Variants in AFAP1L2 observed in about 807,000 individuals in gnomAD.
AFAP1L2 encodes the protein actin filament-associated protein 1-like 2.
Under a neutral mutation model 99.3 loss-of-function variants are expected in AFAP1L2, and 46 were observed. The ratio of observed to expected loss-of-function variants is 0.46; its 90% CI spans 0.37 to 0.59. The LOEUF is 0.59. Ranked by LOEUF, AFAP1L2 falls within the 20% of genes least tolerant of loss-of-function variation. AFAP1L2 has a pLI of 0.00. For synonymous variants in AFAP1L2, 397 were observed against 419.1 expected, an observed-to-expected ratio of 0.95 and a Z score of 0.64; for missense variants, 959 against 1,034.9, an observed-to-expected ratio of 0.93 and a Z score of 1.01.
At position 114,341,201 on chromosome 10, in the gene AFAP1L2, T is replaced by C. The variant is rs185997460; in HGVS notation, c.17-470A>G. 1.4e-3 allele frequency among the ~76,000 whole-genome samples: 214 copies of C among 152,348 alleles called. 2 individuals are homozygous for C. Among genetic ancestry groups the C allele is most frequent in the Non-Finnish European group, 1.3e-4 (9 of 68,030 alleles). On this transcript the variant is annotated intron_variant, in intron 1 of 18. Transcript: ENST00000304129. The stretch of plus-strand genomic sequence containing the variant: ...TGGGCCCATTTACTTCTTAAGTCTA[T>C]TAGGTCAAATGCTTTGTAAAGTTCC...
intron 15 of AFAP1L2, 77 bp downstream of exon 15, chr10:114,300,117 A>G (rs755242084): frequency 4.3e-4 from 686 of 1,591,886 alleles, no homozygotes; most frequent in Non-Finnish European, 5.6e-4. Context: ...ATATACATCT[A>G]TCCTATTAGT....
intron 4 of AFAP1L2, among the ~76,000 whole-genome samples, chr10:114,324,085 C>T (rs1264439859): frequency 5.3e-5 from 8 of 152,226 alleles, no homozygotes; most frequent in African/African-American, 1.9e-4. Context: ...GTGTTCCTCC[C>T]TTATTCCACC....
At chr10:114,283,119 A>G in the AFAP1L2 span, among the ~76,000 whole-genome samples, 1 of 152,144 alleles carries the variant, frequency 6.6e-6, no homozygotes, top group Non-Finnish European at 1.5e-5. Flanking sequence ...ACTATCCCTC[A>G]CTTGGGGTGC....
intron 1 of AFAP1L2, among the ~76,000 whole-genome samples, chr10:114,380,136 C>T (rs184988006): frequency 1.2e-4 from 18 of 152,154 alleles, no homozygotes; most frequent in Non-Finnish European, 2.4e-4. Flanking sequence ...TATTTATGTC[C>T]GAGAGGCTTT....
chr10:114,390,037 C>T (rs548234358), intron 1 of AFAP1L2, among the ~76,000 whole-genome samples: 1 of 152,340 alleles, frequency 6.6e-6, no homozygotes, highest in South Asian at 2.1e-4. Flanking sequence ...CCATTCTCCT[C>T]CCGCAACAAC....
intron 10 of AFAP1L2, among the ~76,000 whole-genome samples, chr10:114,305,945 G>A (rs1179847963): frequency 8.0e-6 from 1 of 125,466 alleles, no homozygotes; most frequent in Non-Finnish European, 1.7e-5. Context: ...GCTGCAGGAG[G>A]AGATGCAGAT....
chr10:114,382,588 C>CTTCTTTTTTTTTTT (rs747277134), intron 1 of AFAP1L2, among the ~76,000 whole-genome samples: 1 of 93,296 alleles, frequency 1.1e-5, no homozygotes, highest in East Asian at 3.2e-4. Context: ...TATTTCTTCT[C>CTTCTTTTTTTTTTT]TTTTTTTTTT....
At chr10:114,301,844 C>T in intron 12 of AFAP1L2, 1 of 281,462 alleles carries the variant, frequency 3.6e-6, no homozygotes, top group Non-Finnish European at 6.8e-6. Context: ...AGACACTATC[C>T]CCGTTTGGTC....
intron 1 of AFAP1L2, among the ~76,000 whole-genome samples, chr10:114,370,571 C>G (rs2420060): frequency 6.6e-6 from 1 of 152,110 alleles, no homozygotes; most frequent in Non-Finnish European, 1.5e-5. Context: ...AATCCTGCCC[C>G]GTGTATTTTC....
At chr10:114,361,531 C>T (rs2052415353) in intron 1 of AFAP1L2, among the ~76,000 whole-genome samples, 1 of 152,180 alleles carries the variant, frequency 6.6e-6, no homozygotes, top group Admixed American at 6.5e-5. Context: ...AGTACTCACT[C>T]AAGATCAGTA....
At chr10:114,357,543 T>G (rs550174847) in intron 1 of AFAP1L2, among the ~76,000 whole-genome samples, 1 of 152,300 alleles carries the variant, frequency 6.6e-6, no homozygotes, top group Non-Finnish European at 1.5e-5. Context: ...TATTCCATGT[T>G]GGATATGCAA....
intron 1 of AFAP1L2, among the ~76,000 whole-genome samples, chr10:114,349,618 A>G (rs1238009168): frequency 1.3e-5 from 2 of 151,262 alleles, no homozygotes; most frequent in Middle Eastern, 3.4e-3. Flanking sequence ...CAAGATATCT[A>G]TATGTTTACA....
chr10:114,303,088 C>A (rs1427735625), intron 11 of AFAP1L2, among the ~76,000 whole-genome samples: 2 of 152,090 alleles, frequency 1.3e-5, no homozygotes, highest in Non-Finnish European at 2.9e-5. Context: ...GCATTCTAAT[C>A]AAATGCATCC....
chr10:114,294,102 T>C (rs561328715), downstream of AFAP1L2, among the ~76,000 whole-genome samples: 6 of 152,326 alleles, frequency 3.9e-5, no homozygotes, highest in African/African-American at 1.4e-4. Context: ...TTTTCAATCA[T>C]TGAACAACCC....
chr10:114,289,577 C>A, the AFAP1L2 span: 1 of 1,466,586 alleles, frequency 6.8e-7, no homozygotes, highest in Non-Finnish European at 9.4e-7. Context: ...AGGATGGCAG[C>A]TCTTCCCAGC....
chr10:114,335,855 G>A lies in AFAP1L2; in HGVS notation c.146-2560C>T, dbSNP rs149167657. 1.7e-4 allele frequency among the ~76,000 whole-genome samples: 26 copies of A among 152,160 alleles called. No individual in the cohort carries two copies. The East Asian group carries it at 3.1e-3, about 18-fold the overall frequency. On this transcript the variant is annotated intron_variant, in intron 2 of 18. Coordinates refer to ENST00000304129, the MANE Select transcript of AFAP1L2 (RefSeq NM_001001936.3). ...CAGCAATTCTAAATATAAAAATAAC[G>A]TAAAGCAGAAACAGAGGCAAACCAC...
In AFAP1L2 at chr10:114,299,342, C is replaced by CT; in HGVS notation, c.2030dup (p.Lys678GlufsTer43). 6.2e-7 allele frequency: 1 copy of CT among 1,614,234 alleles called. No individual in the cohort carries two copies. The highest frequency in any genetic ancestry group is 8.5e-7 in the Non-Finnish European group (1 of 1,180,034). On this transcript the variant is annotated frameshift_variant, in exon 16 of 19. Coordinates refer to ENST00000304129, the MANE Select transcript of AFAP1L2 (RefSeq NM_001001936.3). LOFTEE classifies it high-confidence loss of function. The stretch of plus-strand genomic sequence containing the variant: ...GGTGCCCCCGGATTTCTTCCTTCTT[C>CT]TTTTCAAGCCTCTCCTTCTCCTCTG...
At chr10:114,366,234 C>A (rs1299565083) in intron 1 of AFAP1L2, among the ~76,000 whole-genome samples, 6 of 152,118 alleles carry the variant, frequency 3.9e-5, no homozygotes, top group Admixed American at 3.3e-4. Context: ...GTCATATACA[C>A]GCGAAATACA....
At chr10:114,386,604 G>A (rs1263064581) in intron 1 of AFAP1L2, among the ~76,000 whole-genome samples, 2 of 152,044 alleles carry the variant, frequency 1.3e-5, no homozygotes, top group Admixed American at 1.3e-4. Flanking sequence ...TGAGATGAAT[G>A]TGTCCCAAGC....
Sources: gnomAD v4.1 joint callset for allele counts (sites outside exome capture counted in the v4.1 genomes callset) on GRCh38, gnomAD v4.1.1 for gene constraint, MANE v1.5 for transcripts, NCBI Gene and HGNC (gene_info 2026-07-23, HGNC 2026-07-21) for gene names.